Variants in STS observed in about 807,000 individuals in gnomAD.
STS encodes the protein steroid sulfatase.
Under a neutral mutation model 26.8 loss-of-function variants are expected in STS, and 7 were observed. The ratio of observed to expected loss-of-function variants is 0.26; its 90% CI spans 0.15 to 0.49. The LOEUF (loss-of-function observed/expected upper bound fraction) is 0.49. STS is among the 20% of genes least tolerant of loss of function. STS has a pLI of 0.98. For missense variants in STS, 434 were observed against 465.6 expected, an observed-to-expected ratio of 0.93 and a Z score of 0.63; for synonymous variants, 199 against 189.4, an observed-to-expected ratio of 1.05 and a Z score of -0.42.
intron 6 of STS, among the ~76,000 whole-genome samples, chrX:7,273,014 G>A (rs1484438580): frequency 9.0e-6 from 1 of 111,024 alleles, no homozygotes. Flanking sequence ...GCTGGGCATG[G>A]TGGTGTGCAC....
intron 10 of STS, among the ~76,000 whole-genome samples, chrX:7,345,074 T>C (rs1239287728): frequency 1.8e-5 from 2 of 110,982 alleles, no homozygotes; most frequent in Non-Finnish European, 3.8e-5. Flanking sequence ...GCCCTTGGGA[T>C]AAAGACAGAA....
At chrX:7,276,126 G>A (rs1924524815) in intron 7 of STS, 39 bp downstream of exon 7, 1 of 1,200,248 alleles carries the variant, frequency 8.3e-7, no homozygotes, top group African/African-American at 1.8e-5. Context: ...AAGCTGCTAA[G>A]TCTTTGCCTC....
At chrX:7,170,510 T>C (rs1421781727) in intron 1 of STS, among the ~76,000 whole-genome samples, 1 of 111,020 alleles carries the variant, frequency 9.0e-6, no homozygotes, top group Non-Finnish European at 1.9e-5. Flanking sequence ...TGATCTCAGC[T>C]CACTGCAGCC....
chrX:7,173,595 A>G (rs1356742108), intron 1 of STS, among the ~76,000 whole-genome samples: 1 of 112,302 alleles, frequency 8.9e-6, no homozygotes. Flanking sequence ...CAACCTTGCC[A>G]GCATCTGTTG....
chrX:7,266,319 C>T (rs1167576850), intron 6 of STS, among the ~76,000 whole-genome samples: 2 of 111,867 alleles, frequency 1.8e-5, no homozygotes, highest in African/African-American at 6.5e-5. Context: ...GGGTTTGCTC[C>T]TGAGATGCTA....
At chrX:7,190,267 T>C (rs769018969) in intron 1 of STS, among the ~76,000 whole-genome samples, 3 of 109,788 alleles carry the variant, frequency 2.7e-5, no homozygotes, top group African/African-American at 9.9e-5. Flanking sequence ...ATGAGGAGTG[T>C]GCAACCTAGA....
chrX:7,308,036 T>C (rs1290179737), intron 8 of STS, among the ~76,000 whole-genome samples: 1 of 112,514 alleles, frequency 8.9e-6, no homozygotes, highest in African/African-American at 3.2e-5. Context: ...GGAATTTTCT[T>C]TGAAGGAACT....
At chrX:7,297,355 C>T (rs1188118491) in intron 7 of STS, among the ~76,000 whole-genome samples, 2 of 108,444 alleles carry the variant, frequency 1.8e-5, no homozygotes, top group Admixed American at 1.0e-4. Context: ...AATTGAAATT[C>T]AAGAAACATT....
At chrX:7,151,320 G>A (rs770161139) in intron 1 of STS, among the ~76,000 whole-genome samples, 1 of 111,699 alleles carries the variant, frequency 9.0e-6, no homozygotes, top group Admixed American at 9.5e-5. Context: ...CGTAGATGGA[G>A]GGTAACAGGT....
chrX:7,215,023 T>A (rs866833542), intron 2 of STS, among the ~76,000 whole-genome samples: 7 of 65,128 alleles, frequency 1.1e-4, no homozygotes, highest in Non-Finnish European at 1.5e-4. Context: ...TATATATATA[T>A]TATATATGTA....
At chrX:7,226,295 G>A (rs1432545624) in intron 2 of STS, among the ~76,000 whole-genome samples, 1 of 111,969 alleles carries the variant, frequency 8.9e-6, no homozygotes, top group African/African-American at 3.2e-5. Flanking sequence ...TAATGTGTGT[G>A]AGATTCTTAT....
intron 2 of STS, among the ~76,000 whole-genome samples, chrX:7,223,315 A>G (rs1427574914): frequency 4.5e-5 from 5 of 112,142 alleles, no homozygotes; most frequent in African/African-American, 1.3e-4. Context: ...TCTTTGAGAA[A>G]TCTCCATACC....
chrX:7,152,258 A>T (rs1569175895), intron 1 of STS, among the ~76,000 whole-genome samples: 1 of 112,072 alleles, frequency 8.9e-6, no homozygotes, highest in Non-Finnish European at 1.9e-5. Context: ...GGCCAGGATT[A>T]TTATTTTAAT....
chrX:7,322,511 G>C (rs1362013015), intron 8 of STS, among the ~76,000 whole-genome samples: 14 of 111,267 alleles, frequency 1.3e-4, no homozygotes, highest in East Asian at 2.8e-4. Flanking sequence ...AGCAATTCTC[G>C]TGCCTCATCC....
chrX:7,349,920 C>A lies in STS; in HGVS notation c.1396C>A (p.Pro466Thr). 1.7e-6 allele frequency: 2 copies of A among 1,211,859 alleles called. No homozygotes were observed. The highest frequency in any genetic ancestry group is 2.2e-6 in the Non-Finnish European group (2 of 895,454). The change falls in exon 11 of 11, where the codon CCC (proline) becomes ACC (threonine). Residue 466 changes from proline (P) to threonine (T), a missense_variant. Physicochemically the swap from Pro to Thr is conservative, Grantham distance 38. This residue lies in a region of STS where 205 missense variants were observed against 177.3 expected (regional missense o/e 1.16). Coordinates refer to ENST00000674429, the MANE Select transcript of STS (RefSeq NM_001320752.2). ...CATCTGGAAGGCCTTTTTCTTCACC[C>A]CCAACTTCAACCCCGTGGGTTCCAA... ...TSIWKAFFFT[P>T]NFNPVGSNGC... is the part of the protein sequence containing the mutation.
intron 2 of STS, among the ~76,000 whole-genome samples, chrX:7,234,778 AAAG>A (rs752144876): frequency 8.9e-6 from 1 of 112,350 alleles, no homozygotes; most frequent in Non-Finnish European, 1.9e-5. Flanking sequence ...TTTACAGGAG[AAAG>A]AAGAAGTCTT....
intron 2 of STS, among the ~76,000 whole-genome samples, chrX:7,211,154 C>CACTT (rs1458134728): frequency 1.8e-5 from 2 of 111,871 alleles, no homozygotes; most frequent in Admixed American, 1.9e-4. Context: ...CAATGAAAAA[C>CACTT]ACTTACTTTA....
intron 8 of STS, among the ~76,000 whole-genome samples, chrX:7,320,079 A>G (rs6530069): frequency 0.25 from 22,603 of 92,069 alleles, 2,227 homozygotes; most frequent in East Asian, 0.41. Context: ...TATATATTTT[A>G]TATATAGTTA....
chrX:7,207,117 G>C (rs1390538771), intron 2 of STS, among the ~76,000 whole-genome samples: 1 of 111,732 alleles, frequency 8.9e-6, no homozygotes, highest in African/African-American at 3.3e-5. Context: ...TCAAGCCTGG[G>C]AGGAGGGGGT....
Sources: allele counts gnomAD v4.1 joint callset (sites outside exome capture counted in the v4.1 genomes callset), GRCh38; gene constraint gnomAD v4.1.1; regional missense constraint gnomAD v4.1.1; transcripts MANE v1.5; gene names NCBI Gene and HGNC (gene_info 2026-07-23, HGNC 2026-07-21).